C5orf22: variants seen among roughly 807,000 people sequenced by gnomAD.
The protein encoded by C5orf22 is chromosome 5 open reading frame 22.
C5orf22 carries 36 observed loss-of-function variants against 48.7 expected under a neutral mutation model. The observed-to-expected ratio is 0.74, with a 90% CI of 0.57 to 0.98. The LOEUF (loss-of-function observed/expected upper bound fraction) is 0.98, where lower values mean the gene tolerates loss of function less well. C5orf22 is among the 50% of genes least tolerant of loss of function. The pLI is 0.00. For missense variants in C5orf22, 486 were observed against 521.9 expected (o/e 0.93, Z 0.67); for synonymous variants, 141 against 180.8 (o/e 0.78, Z 1.76).
intron 6 of C5orf22, among the ~76,000 whole-genome samples, chr5:31,543,130 G>A (rs764039744): frequency 3.9e-5 from 6 of 152,170 alleles, no homozygotes; most frequent in Admixed American, 1.3e-4. Flanking sequence ...AATACTCATT[G>A]TAATTTTTAC....
chr5:31,534,473 T>C (rs916351185), intron 2 of C5orf22, 56 bp downstream of exon 2: 35 of 1,462,098 alleles, frequency 2.4e-5, no homozygotes, highest in Non-Finnish European at 2.6e-5. Context: ...TTGCAGTAGA[T>C]AATAAGCAAT....
In C5orf22 at chr5:31,552,909, C is replaced by G. The variant is rs1743375916; in HGVS notation, c.*7C>G. 1 of 1,612,722 alleles carries G rather than the reference C, an allele frequency of 6.2e-7. No individual in the cohort carries two copies. Among genetic ancestry groups the G allele is most frequent in the Non-Finnish European group, 8.5e-7 (1 of 1,179,282 alleles). On this transcript the variant is annotated 3_prime_UTR_variant, in exon 9 of 9. Coordinates refer to ENST00000325366, the MANE Select transcript of C5orf22 (RefSeq NM_018356.3). ...AGAGTCTCCTCCATCTTGAAACAAA[C>G]AAAACATTAGGCTCCTGTTGTATCT...
At chr5:31,542,813 G>C (rs1194922581) in intron 6 of C5orf22, among the ~76,000 whole-genome samples, 2 of 152,172 alleles carry the variant, frequency 1.3e-5, no homozygotes, top group Admixed American at 6.6e-5. Flanking sequence ...ACCAGAACTA[G>C]CTTATTTTAA....
chr5:31,535,720 G>A, intron 2 of C5orf22, 24 bp from the exon 3 acceptor site: 2 of 1,543,434 alleles, frequency 1.3e-6, no homozygotes, highest in Non-Finnish European at 1.8e-6. Context: ...AAGTTTTAAT[G>A]TTGTCTCTAT....
Position 31,534,436 on chromosome 5 carries a change from T to G in C5orf22, c.227+19T>G. The G allele has an allele frequency of 6.3e-7, 1 of 1,594,146 alleles. No homozygotes were observed. Among genetic ancestry groups the G allele is most frequent in the African/African-American group, 1.4e-5 (1 of 74,068 alleles). On this transcript the variant is annotated intron_variant, in intron 2 of 8. Coordinates refer to ENST00000325366, the MANE Select transcript of C5orf22 (RefSeq NM_018356.3). The stretch of plus-strand genomic sequence containing the variant: ...TCTTTGGGTAATATGTGATTTTATT[T>G]ATGGTCTTTTGTGTTTGAAGTACAA...
In C5orf22 at chr5:31,555,048, A is replaced by T. The variant is rs1161868456; in HGVS notation, c.*2146A>T. 2.0e-5 allele frequency: 3 copies of T among 152,162 alleles called. No individual in the cohort carries two copies. The highest frequency in any genetic ancestry group is 2.0e-4 in the Admixed American group (3 of 15,272). 9.4% of individuals were successfully genotyped at this position (152,162 alleles called of 1,614,324 possible). ...AAGCATGGGATTTTAGTGGCTTTTT[A>T]AAAAATGTGACTTAAGTGTAAGCGT... On this transcript the variant is annotated 3_prime_UTR_variant, in exon 9 of 9. Transcript: ENST00000325366.
chr5:31,552,701 CAT>C, intron 8 of C5orf22, 70 bp from the exon 9 acceptor site: 3 of 1,331,540 alleles, frequency 2.3e-6, no homozygotes, highest in Non-Finnish European at 3.2e-6. Flanking sequence ...GAAATGAACA[CAT>C]GCAGCTTTTC....
intron 6 of C5orf22, among the ~76,000 whole-genome samples, chr5:31,544,426 TAAA>T (rs958665514): frequency 1.3e-5 from 2 of 151,370 alleles, no homozygotes; most frequent in African/African-American, 4.9e-5. Flanking sequence ...TACTAAAAAA[TAAA>T]AAAAATTAGC....
At chr5:31,536,246 C>T (rs996699265) in intron 3 of C5orf22, among the ~76,000 whole-genome samples, 37 of 152,272 alleles carry the variant, frequency 2.4e-4, no homozygotes, top group African/African-American at 6.3e-4. Context: ...CTGAATTTGC[C>T]GCAGTGGCTC....
In C5orf22 at chr5:31,553,054, C is replaced by A; in HGVS notation, c.*152C>A. The A allele has an allele frequency of 1.4e-6, 1 of 704,590 alleles. No homozygotes were observed. Among genetic ancestry groups the A allele is most frequent in the Non-Finnish European group, 2.1e-6 (1 of 465,242 alleles). The allele number at this position is 704,590 out of a possible 1,614,324, so 43.6% of individuals were successfully genotyped here. A position where few individuals can be genotyped will look rare whatever the true frequency, so the allele number is the denominator to read the frequency against. ...TTTTGAATCTCTGAACAACCATTGT[C>A]AGTTGTGAATGATGGTAAATTTTTT... On this transcript the variant is annotated 3_prime_UTR_variant, in exon 9 of 9. Transcript: ENST00000325366.
At position 31,535,871 on chromosome 5, in the gene C5orf22, G is replaced by A; in HGVS notation, c.355G>A (p.Asp119Asn). 6.2e-7 allele frequency: 1 copy of A among 1,613,062 alleles called. No individual in the cohort carries two copies. ...CAGACACCACTTTTTAGTAGGCAAA[G>A]ACACTTCTACCACAACAATCAGGTA... ...EGRHHFLVGK[D>N]TSTTTIRVTS... Residue 119 changes from aspartate to asparagine, a missense_variant, in exon 3 of 9, where the codon GAC (aspartate) becomes AAC (asparagine). Transcript: ENST00000325366.
At chr5:31,532,720 A>G (rs1389764548) in intron 1 of C5orf22, among the ~76,000 whole-genome samples, 1 of 152,008 alleles carries the variant, frequency 6.6e-6, no homozygotes, top group African/African-American at 2.4e-5. Context: ...TCCCAGAACC[A>G]AACAAAAGGT....
Position 31,547,531 on chromosome 5 carries a change from G to A in C5orf22, c.1059+1819G>A, listed in dbSNP as rs549660267. ...CTGCCCCTGCAGCAAACTTCTGCCT[G>A]GGCATCCAGGTGTTTCCATACATCT... On this transcript the variant is annotated intron_variant, in intron 7 of 8. Coordinates refer to ENST00000325366, the MANE Select transcript of C5orf22 (RefSeq NM_018356.3). Among the ~76,000 whole-genome samples the A allele has an allele frequency of 3.3e-5, 5 of 152,360 alleles. No individual in the cohort carries two copies. In the East Asian group the frequency reaches 9.6e-4, roughly 29 times the overall value.
intron 1 of C5orf22, among the ~76,000 whole-genome samples, chr5:31,533,384 G>C (rs1317096862): frequency 6.6e-6 from 1 of 152,108 alleles, no homozygotes; most frequent in Admixed American, 6.6e-5. Flanking sequence ...ACTTTTCCAA[G>C]TCAACAAAGG....
chr5:31,548,514 T>C, intron 7 of C5orf22: 1 of 446,236 alleles, frequency 2.2e-6, no homozygotes, highest in Non-Finnish European at 4.5e-6. Flanking sequence ...TTCATCTCCA[T>C]CTGAGACCAC....
chr5:31,545,040 T>TA (rs1205805341), intron 6 of C5orf22, among the ~76,000 whole-genome samples: 1 of 151,662 alleles, frequency 6.6e-6, no homozygotes, highest in Non-Finnish European at 1.5e-5. Context: ...TAAAAACACT[T>TA]AGTTTTCTTG....
chr5:31,532,653 A>T (rs1430747108), intron 1 of C5orf22, among the ~76,000 whole-genome samples, 180 bp downstream of exon 1: 1 of 152,054 alleles, frequency 6.6e-6, no homozygotes, highest in Non-Finnish European at 1.5e-5. Context: ...GAGAACTGAC[A>T]TTTATGGGCG....
In C5orf22 at chr5:31,553,328, C is replaced by G. The variant is rs1344084744; in HGVS notation, c.*426C>G. On this transcript the variant is annotated 3_prime_UTR_variant, in exon 9 of 9. Coordinates refer to ENST00000325366, the MANE Select transcript of C5orf22 (RefSeq NM_018356.3). ...GTAATGAACAGAATAGACAAGGCCC[C>G]TGCCCTTTTAGGGGAGACAGATGAG... 6.4e-6 allele frequency: 1 copy of G among 156,052 alleles called. No individual in the cohort carries two copies. The highest frequency in any genetic ancestry group is 2.4e-5 in the African/African-American group (1 of 41,436). The allele number at this position is 156,052 out of a possible 1,614,324, so 9.7% of individuals were successfully genotyped here.
chr5:31,554,547 CAGAATTGT>C lies in C5orf22; in HGVS notation c.*1654_*1661del, dbSNP rs1465352658. On this transcript the variant is annotated 3_prime_UTR_variant, in exon 9 of 9. Transcript: ENST00000325366. Reference sequence around the variant, plus strand: ...AAAAGGTTTATTTTCTTGGTAAAATCAGAATTGTAGAATTGTGCTATTTTTAATTTTTA... The same window carrying C: ...AAAAGGTTTATTTTCTTGGTAAAATCAGAATTGTGCTATTTTTAATTTTTA... 1.3e-5 allele frequency: 2 copies of C among 152,162 alleles called. No individual in the cohort carries two copies. Among genetic ancestry groups the C allele is most frequent in the Admixed American group, 6.5e-5 (1 of 15,276 alleles). The allele number at this position is 152,162 out of a possible 1,614,324, so 9.4% of individuals were successfully genotyped here.
Sources: gnomAD v4.1 joint callset for allele counts (sites outside exome capture counted in the v4.1 genomes callset) on GRCh38, gnomAD v4.1.1 for gene constraint, MANE v1.5 for transcripts, NCBI Gene and HGNC (gene_info 2026-07-23, HGNC 2026-07-21) for gene names.